AFF2: variants seen among roughly 807,000 people sequenced by gnomAD.
AFF2 encodes AF4/FMR2 family member 2.
AFF2 carries 14 observed loss-of-function variants against 76.9 expected under a neutral mutation model. The ratio of observed to expected loss-of-function variants is 0.18; its 90% confidence interval spans 0.12 to 0.28. The LOEUF (loss-of-function observed/expected upper bound fraction) is 0.28, where lower values mean the gene tolerates loss of function less well. Among genes scored for constraint, AFF2 ranks in the 10% least tolerant of loss-of-function variants. The probability of loss-of-function intolerance (pLI) is 1.00; values close to 1 mark genes in which losing one functional copy is unlikely to be tolerated. For synonymous variants in AFF2, 398 were observed against 366.7 expected (o/e 1.09, Z -0.98); for missense variants, 868 against 1,001.1 (o/e 0.87, Z 1.79).
intron 3 of AFF2, among the ~76,000 whole-genome samples, chrX:148,700,513 G>C (rs1490992804): frequency 9.4e-6 from 1 of 106,811 alleles, no homozygotes; most frequent in Non-Finnish European, 1.9e-5. Flanking sequence ...TTCTAAAAGA[G>C]CCTCGGTCCT....
At chrX:148,722,170 G>A (rs1356707073) in intron 3 of AFF2, among the ~76,000 whole-genome samples, 1 of 111,017 alleles carries the variant, frequency 9.0e-6, no homozygotes, top group Non-Finnish European at 1.9e-5. Flanking sequence ...GGTCAGAAGG[G>A]CAGAGGAAAG....
intron 7 of AFF2, among the ~76,000 whole-genome samples, chrX:148,865,771 A>T (rs1421158182): frequency 8.9e-6 from 1 of 112,006 alleles, no homozygotes; most frequent in Non-Finnish European, 1.9e-5. Flanking sequence ...TGCACTGTAG[A>T]TGTCATGAAA....
intron 3 of AFF2, among the ~76,000 whole-genome samples, chrX:148,672,978 A>G (rs2054441542): frequency 9.0e-6 from 1 of 111,672 alleles, no homozygotes; most frequent in Admixed American, 9.5e-5. Context: ...ACTTCTCTCA[A>G]TTGTTTGAGC....
intron 9 of AFF2, among the ~76,000 whole-genome samples, chrX:148,941,803 A>G (rs1404121099): frequency 9.0e-6 from 1 of 111,527 alleles, no homozygotes; most frequent in Non-Finnish European, 1.9e-5. Flanking sequence ...CTTATGCTTC[A>G]TGATGTTTTT....
intron 7 of AFF2, among the ~76,000 whole-genome samples, chrX:148,874,643 C>A (rs2071015721): frequency 8.9e-6 from 1 of 112,063 alleles, no homozygotes; most frequent in African/African-American, 3.2e-5. Flanking sequence ...AATTAGAAAG[C>A]CAATCCTGTC....
chrX:148,607,656 A>T (rs2053685550), intron 1 of AFF2, among the ~76,000 whole-genome samples: 1 of 111,954 alleles, frequency 8.9e-6, no homozygotes, highest in South Asian at 3.7e-4. Flanking sequence ...GCAACATCAA[A>T]GGGGCACACA....
rs2054028464 is a variant in AFF2, at chrX:148,636,094, G to T, written c.48-15905G>T. On this transcript the variant is annotated intron_variant, in intron 1 of 20. Coordinates refer to ENST00000370460, the MANE Select transcript of AFF2 (RefSeq NM_002025.4). ...TAATATTCGATATCCATTAACTTAG[G>T]GACACACTGTGGAATTTGAAACAGC... 3.6e-5 allele frequency among the ~76,000 whole-genome samples: 4 copies of T among 110,486 alleles called. No individual in the cohort carries two copies. In the South Asian group the frequency reaches 1.5e-3, roughly 43 times the overall value.
At chrX:148,859,129 C>A (rs2070818510) in intron 7 of AFF2, among the ~76,000 whole-genome samples, 1 of 104,459 alleles carries the variant, frequency 9.6e-6, no homozygotes, top group African/African-American at 3.5e-5. Flanking sequence ...TACATTGATT[C>A]AAAGAGAAAA....
intron 3 of AFF2, among the ~76,000 whole-genome samples, chrX:148,731,549 G>A (rs1227685384): frequency 9.0e-6 from 1 of 111,495 alleles, no homozygotes; most frequent in Non-Finnish European, 1.9e-5. Context: ...AAAAACCACT[G>A]GATACAGAGT....
chrX:148,785,809 G>C (rs1350910889), intron 3 of AFF2, among the ~76,000 whole-genome samples: 1 of 111,991 alleles, frequency 8.9e-6, no homozygotes, highest in African/African-American at 3.2e-5. Flanking sequence ...CCACACTTAA[G>C]ACAAATCAGT....
intron 1 of AFF2, among the ~76,000 whole-genome samples, chrX:148,607,844 A>C (rs1157328076): frequency 8.9e-6 from 1 of 111,929 alleles, no homozygotes; most frequent in East Asian, 2.8e-4. Flanking sequence ...ATATACTGGT[A>C]ATGTGCCTGG....
chrX:148,859,474 CTTAA>C (rs1319398362), intron 7 of AFF2, among the ~76,000 whole-genome samples: 4 of 110,830 alleles, frequency 3.6e-5, no homozygotes, highest in Non-Finnish European at 1.9e-5. Flanking sequence ...GAGGGTCCTT[CTTAA>C]TTAAGTCAGA....
At chrX:148,890,615 CAGAA>C (rs1173771881) in intron 8 of AFF2, among the ~76,000 whole-genome samples, 1 of 112,278 alleles carries the variant, frequency 8.9e-6, no homozygotes, top group African/African-American at 3.2e-5. Flanking sequence ...CTAGAGATCC[CAGAA>C]AGAAAGGCTA....
intron 1 of AFF2, among the ~76,000 whole-genome samples, chrX:148,587,501 A>T (rs1449548554): frequency 8.9e-6 from 1 of 112,437 alleles, no homozygotes; most frequent in Non-Finnish European, 1.9e-5. Flanking sequence ...TTACAAAAAC[A>T]TGGCTTAAGG....
At chrX:148,795,952 T>C (rs1268395680) in intron 3 of AFF2, among the ~76,000 whole-genome samples, 1 of 93,489 alleles carries the variant, frequency 1.1e-5, no homozygotes, top group African/African-American at 3.8e-5. Flanking sequence ...ACCCTCAGCC[T>C]AGAGCTTTTC....
intron 8 of AFF2, among the ~76,000 whole-genome samples, chrX:148,895,375 C>G (rs781833992): frequency 9.0e-6 from 1 of 111,574 alleles, no homozygotes; most frequent in Admixed American, 9.5e-5. Context: ...AGTGTACAGT[C>G]CAAGTGTGTT....
chrX:148,579,479 G>C (rs1429343792), intron 1 of AFF2, among the ~76,000 whole-genome samples: 3 of 61,823 alleles, frequency 4.9e-5, no homozygotes, highest in Admixed American at 2.5e-4. Flanking sequence ...GTATATCACA[G>C]CTACACGTTT....
intron 5 of AFF2, among the ~76,000 whole-genome samples, chrX:148,839,288 A>G (rs1470415955): frequency 8.9e-6 from 1 of 112,144 alleles, no homozygotes; most frequent in African/African-American, 3.3e-5. Flanking sequence ...CAAGAAGTCT[A>G]CACACCCACT....
intron 1 of AFF2, among the ~76,000 whole-genome samples, chrX:148,579,080 G>A (rs1481470739): frequency 8.9e-6 from 1 of 111,940 alleles, no homozygotes; most frequent in Non-Finnish European, 1.9e-5. Flanking sequence ...TGAAGCATCA[G>A]ACATTAGGGC....
Sources: gnomAD v4.1 joint callset for allele counts (sites outside exome capture counted in the v4.1 genomes callset) on GRCh38, gnomAD v4.1.1 for gene constraint, MANE v1.5 for transcripts, NCBI Gene and HGNC (gene_info 2026-07-23, HGNC 2026-07-21) for gene names.